VEGFC: variants seen among roughly 807,000 people sequenced by gnomAD.
VEGFC encodes vascular endothelial growth factor C, also known as FLT4 ligand DHM.
VEGFC carries 12 observed loss-of-function variants against 46.1 expected under a neutral mutation model. That is an observed-to-expected ratio of 0.26 (90% CI 0.17 to 0.42). The LOEUF (loss-of-function observed/expected upper bound fraction) is 0.42. Among genes scored for constraint, VEGFC ranks in the 10% least tolerant of loss-of-function variants. The pLI, the probability that VEGFC is intolerant of heterozygous loss-of-function variation, is 1.00. For missense variants in VEGFC, 488 were observed against 529.4 expected (o/e 0.92, Z 0.77); for synonymous variants, 232 against 195.5 (o/e 1.19, Z -1.56).
chr4:176,706,994 A>T (rs967795026), intron 4 of VEGFC, among the ~76,000 whole-genome samples: 3 of 151,902 alleles, frequency 2.0e-5, no homozygotes, highest in Non-Finnish European at 4.4e-5. Flanking sequence ...TAGAGAATGT[A>T]CTCTTTTTAG....
intron 6 of VEGFC, 128 bp downstream of exon 6, chr4:176,687,059 A>G (rs1734054167): frequency 9.3e-7 from 1 of 1,072,976 alleles, no homozygotes; most frequent in Non-Finnish European, 1.3e-6. Flanking sequence ...AAAATATAAG[A>G]TTTTTGTCTT....
chr4:176,739,920 C>T (rs1198630937), intron 1 of VEGFC, among the ~76,000 whole-genome samples: 3 of 145,366 alleles, frequency 2.1e-5, no homozygotes, highest in Non-Finnish European at 4.5e-5. Context: ...AAATGCCAGG[C>T]TAATAGGCAT....
intron 4 of VEGFC, among the ~76,000 whole-genome samples, chr4:176,693,672 C>T (rs1268592586): frequency 1.4e-5 from 2 of 146,588 alleles, no homozygotes; most frequent in Non-Finnish European, 3.0e-5. Flanking sequence ...AGACACATAA[C>T]TGTCAGATTC....
intron 4 of VEGFC, among the ~76,000 whole-genome samples, chr4:176,701,610 A>T (rs1734434672): frequency 6.6e-6 from 1 of 152,212 alleles, no homozygotes; most frequent in Non-Finnish European, 1.5e-5. Context: ...CACAGCCTGG[A>T]ATCTCTTGCC....
At chr4:176,728,449 C>A (rs1401790575) in intron 2 of VEGFC, among the ~76,000 whole-genome samples, 1 of 152,138 alleles carries the variant, frequency 6.6e-6, no homozygotes, top group African/African-American at 2.4e-5. Flanking sequence ...AGTCAAACGT[C>A]CTTTTCAGGC....
At chr4:176,788,931 T>A (rs1460219323) in intron 1 of VEGFC, among the ~76,000 whole-genome samples, 1 of 152,172 alleles carries the variant, frequency 6.6e-6, no homozygotes, top group African/African-American at 2.4e-5. Flanking sequence ...GGAGGTGTAG[T>A]GAAAAACAAA....
rs573644472 is a variant in VEGFC, at chr4:176,730,670, A to T, written c.148-924T>A. Among the ~76,000 whole-genome samples, 52 of 152,212 alleles carry T rather than the reference A, an allele frequency of 3.4e-4. 1 individual carries two copies. Among genetic ancestry groups the T allele is most frequent in the African/African-American group, 1.2e-3 (50 of 41,558 alleles). On this transcript the variant is annotated intron_variant, in intron 1 of 6. Coordinates refer to ENST00000618562, the MANE Select transcript of VEGFC (RefSeq NM_005429.5). ...GAACTAACTGTCAGAAATGCAGGTA[A>T]CTGTCCCCCACCTCTCCATGGTTTC...
intron 4 of VEGFC, among the ~76,000 whole-genome samples, chr4:176,697,917 T>C (rs1389789839): frequency 6.6e-6 from 1 of 150,382 alleles, no homozygotes; most frequent in Non-Finnish European, 1.5e-5. Flanking sequence ...TTCTCACTCA[T>C]AGGTGGGAAT....
chr4:176,784,154 C>T (rs2110950039), intron 1 of VEGFC, among the ~76,000 whole-genome samples: 1 of 149,930 alleles, frequency 6.7e-6, no homozygotes, highest in Admixed American at 6.7e-5. Context: ...CTGCAACCTC[C>T]GCCTCCTGGG....
chr4:176,724,122 G>A lies in VEGFC; in HGVS notation c.552+3656C>T, dbSNP rs973884614. ...ATCAAGCTAAATTGATAGCATAAAC[G>A]TTTGTTTAGCAAAAAGACCAATTAT... is the stretch of plus-strand genomic sequence containing the variant. On this transcript the variant is annotated intron_variant, in intron 3 of 6. Coordinates refer to ENST00000618562, the MANE Select transcript of VEGFC (RefSeq NM_005429.5). Among the ~76,000 whole-genome samples, 22 of 152,250 alleles carry A rather than the reference G, an allele frequency of 1.4e-4. 1 individual carries two copies. Among genetic ancestry groups the A allele is most frequent in the Middle Eastern group, 3.4e-3 (1 of 294 alleles).
At chr4:176,710,303 C>T (rs1200439576) in intron 4 of VEGFC, among the ~76,000 whole-genome samples, 1 of 152,136 alleles carries the variant, frequency 6.6e-6, no homozygotes, top group African/African-American at 2.4e-5. Flanking sequence ...AACTCTCTAG[C>T]CTGCGGGGAT....
At chr4:176,761,535 T>C (rs6857752) in intron 1 of VEGFC, among the ~76,000 whole-genome samples, 125,514 of 152,092 alleles carry the variant, frequency 0.83, 53,370 homozygotes, top group East Asian at 1. Flanking sequence ...ACATGATTTT[T>C]AAAGGTGCTC....
rs778578803 is a variant in VEGFC, at chr4:176,683,938, T to C, written c.1248A>G (p.Pro416=). Residue 416 remains proline, a synonymous_variant, in exon 7 of 7, where the codon CCA becomes CCG. Coordinates refer to ENST00000618562, the MANE Select transcript of VEGFC (RefSeq NM_005429.5). ...CRCVPSYWKR[P]QMS is the part of the protein sequence containing the mutation. ...AAACAGTACAATCTTAGCTCATTTG[T>C]GGTCTTTTCCAATATGAAGGGACAC... is the stretch of plus-strand genomic sequence containing the variant. 6.2e-7 allele frequency: 1 copy of C among 1,613,222 alleles called. No individual in the cohort carries two copies. Among genetic ancestry groups the C allele is most frequent in the Non-Finnish European group, 8.5e-7 (1 of 1,179,116 alleles).
At chr4:176,730,449 A>T (rs1012432746) in intron 1 of VEGFC, among the ~76,000 whole-genome samples, 4 of 152,168 alleles carry the variant, frequency 2.6e-5, no homozygotes, top group Non-Finnish European at 5.9e-5. Flanking sequence ...ATATCTAAGA[A>T]ATAAATACAA....
chr4:176,738,256 C>T (rs995155809), intron 1 of VEGFC, among the ~76,000 whole-genome samples: 4 of 151,898 alleles, frequency 2.6e-5, no homozygotes, highest in African/African-American at 9.7e-5. Context: ...CAATCCTAAG[C>T]AAAAAGCACA....
rs527352952 is a variant in VEGFC, at chr4:176,787,093, A to G, written c.147+5072T>C. On this transcript the variant is annotated intron_variant, in intron 1 of 6. Coordinates refer to ENST00000618562, the MANE Select transcript of VEGFC (RefSeq NM_005429.5). ...TTCCCAGTGAAGATTAGAAATATTTAAATTAGATAATAATGACTATAAATA... is the reference window on the plus strand; with the variant it reads ...TTCCCAGTGAAGATTAGAAATATTTGAATTAGATAATAATGACTATAAATA... 1.4e-4 allele frequency among the ~76,000 whole-genome samples: 22 copies of G among 152,300 alleles called. 1 individual carries two copies. In the South Asian group the frequency reaches 3.5e-3, roughly 24 times the overall value.
chr4:176,694,676 A>C (rs1179400144), intron 4 of VEGFC, among the ~76,000 whole-genome samples: 1 of 147,704 alleles, frequency 6.8e-6, no homozygotes, highest in Non-Finnish European at 1.5e-5. Context: ...TGGAATATAT[A>C]TTTTTTTCAG....
intron 1 of VEGFC, among the ~76,000 whole-genome samples, chr4:176,759,391 C>T (rs190347020): frequency 5.3e-5 from 8 of 152,064 alleles, no homozygotes; most frequent in Middle Eastern, 3.4e-3. Flanking sequence ...TGCATGATCA[C>T]GCTTAAATGT....
In VEGFC at chr4:176,688,385, T is replaced by G. The variant is rs372226340; in HGVS notation, c.705-458A>C. Reference sequence around the variant, plus strand: ...TTATTTTATTCATCTCTTAGGTAACTATCTACATCACTTTGATTTTGGCTT... The same window carrying G: ...TTATTTTATTCATCTCTTAGGTAACGATCTACATCACTTTGATTTTGGCTT... On this transcript the variant is annotated intron_variant, in intron 4 of 6. Coordinates refer to ENST00000618562, the MANE Select transcript of VEGFC (RefSeq NM_005429.5). Among the ~76,000 whole-genome samples the G allele has an allele frequency of 5.3e-5, 8 of 152,338 alleles. No homozygotes were observed. The East Asian group carries it at 1.5e-3, about 29-fold the overall frequency.
Sources: gnomAD v4.1 joint callset for allele counts (sites outside exome capture counted in the v4.1 genomes callset) on GRCh38, gnomAD v4.1.1 for gene constraint, MANE v1.5 for transcripts, NCBI Gene and HGNC (gene_info 2026-07-23, HGNC 2026-07-21) for gene names.